Variants in SRCAP observed in about 807,000 individuals in gnomAD.
The protein encoded by SRCAP is Snf2 related CREBBP activator protein.
SRCAP carries 46 observed loss-of-function variants against 263.1 expected under a neutral mutation model. The ratio of observed to expected loss-of-function variants is 0.17; its 90% CI spans 0.14 to 0.22. The LOEUF (loss-of-function observed/expected upper bound fraction) is 0.22, where lower values mean the gene tolerates loss of function less well. Ranked by LOEUF, SRCAP falls within the 10% of genes least tolerant of loss-of-function variation. The pLI, the probability that SRCAP is intolerant of heterozygous loss-of-function variation, is 1.00. For missense variants in SRCAP, 3,695 were observed against 4,181.9 expected, an observed-to-expected ratio of 0.88 and a Z score of 3.21; for synonymous variants, 1,813 against 1,662.1, an observed-to-expected ratio of 1.09 and a Z score of -2.21.
chr16:30,729,031 T>C lies in SRCAP; in HGVS notation c.5724T>C (p.Ser1908=). The C allele has an allele frequency of 1.2e-6, 2 of 1,614,172 alleles. No individual in the cohort carries two copies. Among genetic ancestry groups the C allele is most frequent in the South Asian group, 1.1e-5 (1 of 91,086 alleles). The change falls in exon 26 of 34, where the codon AGT becomes AGC. Residue 1908 remains serine, a synonymous_variant. Transcript: ENST00000262518. ...SERLERIFQL[S]EAHGALAPVY... is the part of the protein sequence containing the mutation. ...GCCTGGAACGGATTTTCCAACTTAGTGAGGCTCATGGGGCCCTGGCACCTG... is the reference window on the plus strand; with the variant it reads ...GCCTGGAACGGATTTTCCAACTTAGCGAGGCTCATGGGGCCCTGGCACCTG...
chr16:30,710,492 A>G, intron 8 of SRCAP: 1 of 738,388 alleles, frequency 1.4e-6, no homozygotes, highest in Non-Finnish European at 2.5e-6. Flanking sequence ...GTTTCTCCAT[A>G]TGTCTCAAGT....
intron 30 of SRCAP, 36 bp from the exon 31 acceptor site, chr16:30,734,460 G>C (rs1034229218): frequency 1.2e-6 from 2 of 1,612,644 alleles, no homozygotes; most frequent in Non-Finnish European, 1.7e-6. Flanking sequence ...CTAGCATTCT[G>C]TTGACTCTGA....
Position 30,739,513 on chromosome 16 carries a change from A to G in SRCAP, c.9473A>G (p.Gln3158Arg). The G allele has an allele frequency of 6.2e-7, 1 of 1,612,994 alleles. No individual in the cohort carries two copies. Among genetic ancestry groups the G allele is most frequent in the Non-Finnish European group, 8.5e-7 (1 of 1,179,606 alleles). The change falls in exon 34 of 34, where the codon CAG becomes CGG. Residue 3158 changes from glutamine to arginine, a missense_variant. Coordinates refer to ENST00000262518, the MANE Select transcript of SRCAP (RefSeq NM_006662.3). ...GGGCTGGCAAAGCGGGGCCGCCTAC[A>G]GCCCCCAAGTCCCCTGGGGCCTGAG... ...SPGLAKRGRL[Q>R]PPSPLGPEGS... is the part of the protein sequence containing the mutation.
chr16:30,714,826 T>A (rs979974775), intron 16 of SRCAP, among the ~76,000 whole-genome samples: 3 of 152,150 alleles, frequency 2.0e-5, no homozygotes, highest in Non-Finnish European at 2.9e-5. Context: ...TTTGTTTTTT[T>A]TTAAATGGTG....
intron 25 of SRCAP, among the ~76,000 whole-genome samples, chr16:30,726,431 G>A (rs1319888579): frequency 1.3e-5 from 2 of 152,086 alleles, no homozygotes; most frequent in East Asian, 1.9e-4. Flanking sequence ...ACTGTTTAAG[G>A]AACTGCCAGA....
intron 3 of SRCAP, among the ~76,000 whole-genome samples, chr16:30,701,148 A>G (rs1298820098): frequency 2.0e-5 from 3 of 152,312 alleles, no homozygotes; most frequent in Middle Eastern, 3.4e-3. Flanking sequence ...CCATGCTTCT[A>G]ATACCATACG....
chr16:30,706,109 C>CTGGT (rs2052824752), intron 4 of SRCAP, among the ~76,000 whole-genome samples: 1 of 152,146 alleles, frequency 6.6e-6, no homozygotes, highest in Admixed American at 6.6e-5. Context: ...TTAGTCCTGT[C>CTGGT]TGGTCTCTGG....
rs1334995014 is a variant in SRCAP at position 30,722,865 on chromosome 16, A to AT, written c.3893-97dup. ...TTGTTTTCCCTTGCGAATATCTATG[A>AT]TACCTGTCTGCCACCTTCTCCTGCC... On this transcript the variant is annotated intron_variant, in intron 23 of 33. Transcript: ENST00000262518. 4 of 1,547,768 alleles carry AT rather than the reference A, an allele frequency of 2.6e-6. No homozygotes were observed. The African/African-American group carries it at 5.5e-5, about 21-fold the overall frequency.
chr16:30,705,335 G>T (rs1369754905), intron 4 of SRCAP, among the ~76,000 whole-genome samples: 1 of 152,124 alleles, frequency 6.6e-6, no homozygotes, highest in Admixed American at 6.6e-5. Context: ...CTCACCCACC[G>T]ACCCATTTGA....
intron 3 of SRCAP, among the ~76,000 whole-genome samples, chr16:30,701,986 G>A (rs1358874782): frequency 6.9e-6 from 1 of 145,618 alleles, no homozygotes; most frequent in Non-Finnish European, 1.5e-5. Context: ...ATGGAGTCTC[G>A]CTCTGTCACC....
chr16:30,722,107 C>T lies in SRCAP; in HGVS notation c.3542-15C>T. 6.2e-7 allele frequency: 1 copy of T among 1,610,264 alleles called. No individual in the cohort carries two copies. The highest frequency in any genetic ancestry group is 8.5e-7 in the Non-Finnish European group (1 of 1,177,848). On this transcript the variant is annotated splice_polypyrimidine_tract_variant and intron_variant, in intron 21 of 33. Transcript: ENST00000262518. The stretch of plus-strand genomic sequence containing the variant: ...GGATGAGCCTTGTGTACAATAAGGC[C>T]TTCTCTGTTTTTAGCAGGCGAAGTG...
At chr16:30,701,288 C>G (rs976880497) in intron 3 of SRCAP, 3 of 157,948 alleles carry the variant, frequency 1.9e-5, no homozygotes, top group African/African-American at 7.2e-5. Flanking sequence ...TTAAACACAT[C>G]TAGGTGTGTG....
chr16:30,703,165 A>G (rs947879614), intron 3 of SRCAP, among the ~76,000 whole-genome samples: 21 of 151,074 alleles, frequency 1.4e-4, no homozygotes, highest in East Asian at 1.9e-4. Context: ...ATATATATAT[A>G]TATGTATGTA....
In SRCAP at chr16:30,723,837, T is replaced by G; in HGVS notation, c.4413T>G (p.Ala1471=). 6.2e-7 allele frequency: 1 copy of G among 1,614,072 alleles called. No homozygotes were observed. Among genetic ancestry groups the G allele is most frequent in the African/African-American group, 1.3e-5 (1 of 74,960 alleles). The change falls in exon 25 of 34, where the codon GCT becomes GCG. Residue 1471 remains alanine (A), a synonymous_variant. Transcript: ENST00000262518. The part of the protein sequence containing the change: ...APLTVSASGP[A]LLTSVTPPLA... Reference sequence around the variant, plus strand: ...TGACTGTTTCTGCTTCGGGCCCAGCTCTGTTGACCAGTGTGACTCCACCAT... The same window carrying G: ...TGACTGTTTCTGCTTCGGGCCCAGCGCTGTTGACCAGTGTGACTCCACCAT...
intron 25 of SRCAP, among the ~76,000 whole-genome samples, chr16:30,726,809 T>C (rs540963540): frequency 6.3e-4 from 96 of 152,328 alleles, no homozygotes; most frequent in South Asian, 1.9e-3. Flanking sequence ...CAAACGATTT[T>C]CCTGTGTCAT....
intron 3 of SRCAP, among the ~76,000 whole-genome samples, chr16:30,702,640 T>C (rs984691863): frequency 2.3e-5 from 3 of 130,330 alleles, no homozygotes; most frequent in Admixed American, 8.2e-5. Context: ...TCCTTCCTTC[T>C]CTCCCTCCTT....
chr16:30,735,642 G>A (rs574869154), intron 31 of SRCAP, among the ~76,000 whole-genome samples: 11 of 146,026 alleles, frequency 7.5e-5, no homozygotes, highest in Non-Finnish European at 1.5e-4. Context: ...GTGCAGTGGC[G>A]CGATCTCGGC....
intron 31 of SRCAP, among the ~76,000 whole-genome samples, chr16:30,735,871 G>T (rs908497198): frequency 6.6e-6 from 1 of 151,300 alleles, no homozygotes; most frequent in African/African-American, 2.4e-5. Flanking sequence ...GAGCCACTGC[G>T]CCCGGGTGAA....
Position 30,704,286 on chromosome 16 carries a change from C to G in SRCAP, c.277C>G (p.His93Asp). ...CAAGGGCCCGAAGTGGGAGAAGAGC[C>G]ATGCCGAAATTGCAGAACAGGCCAA... ...ANKGPKWEKSHAEIAEQAKHE... is the reference protein window; with the variant it reads ...ANKGPKWEKSDAEIAEQAKHE... Residue 93 changes from histidine to aspartate, a missense_variant, in exon 4 of 34, where the codon CAT becomes GAT. By Grantham distance (81) the His-to-Asp change is moderately conservative. This residue lies in a region of SRCAP where 122 missense variants were observed against 116.9 expected (regional missense o/e 1.04). Coordinates refer to ENST00000262518, the MANE Select transcript of SRCAP (RefSeq NM_006662.3). The G allele has an allele frequency of 6.2e-7, 1 of 1,612,412 alleles. No individual in the cohort carries two copies.
Sources: gnomAD v4.1 joint callset for allele counts (sites outside exome capture counted in the v4.1 genomes callset) on GRCh38, gnomAD v4.1.1 for gene constraint, gnomAD v4.1.1 regional missense constraint, MANE v1.5 for transcripts, NCBI Gene and HGNC (gene_info 2026-07-23, HGNC 2026-07-21) for gene names.